The following TIAM2 variants were observed in gnomAD, a reference collection of about 807,000 sequenced individuals.
TIAM2 encodes the protein TIAM Rac1 associated GEF 2, also known as rho guanine nucleotide exchange factor TIAM2.
Under a neutral mutation model 152.9 loss-of-function variants are expected in TIAM2, and 80 were observed. The observed-to-expected ratio is 0.52, with a 90% CI of 0.44 to 0.63. TIAM2 has a LOEUF of 0.63. TIAM2 is among the 30% of genes least tolerant of loss of function. The probability of loss-of-function intolerance (pLI) is 0.00; values close to 1 mark genes in which losing one functional copy is unlikely to be tolerated. For synonymous variants in TIAM2, 804 were observed against 838.0 expected (o/e 0.96, Z 0.70); for missense variants, 1,965 against 2,120.1 (o/e 0.93, Z 1.44).
intron 7 of TIAM2, among the ~76,000 whole-genome samples, chr6:155,151,750 G>T (rs1363200397): frequency 5.9e-5 from 9 of 151,904 alleles, no homozygotes; most frequent in African/African-American, 1.9e-4. Context: ...CAAGGGCCTG[G>T]TCCCAAGTGA....
intron 15 of TIAM2, among the ~76,000 whole-genome samples, chr6:155,225,065 C>T (rs1782195373): frequency 1.3e-5 from 2 of 152,194 alleles, no homozygotes; most frequent in Admixed American, 6.5e-5. Flanking sequence ...AAGCAGTTCT[C>T]CCACCTCAGC....
At chr6:155,067,778 A>G (rs188844316) in intron 1 of TIAM2, among the ~76,000 whole-genome samples, 84 of 152,102 alleles carry the variant, frequency 5.5e-4, no homozygotes, top group Non-Finnish European at 9.9e-4. Context: ...AAGTACTGGG[A>G]CTACAGGTAT....
At position 155,129,350 on chromosome 6, in the gene TIAM2, T is replaced by C. The variant is rs746169137; in HGVS notation, c.127T>C (p.Leu43=). 1 of 1,614,162 alleles carries C rather than the reference T, an allele frequency of 6.2e-7. No homozygotes were observed. The highest frequency in any genetic ancestry group is 8.5e-7 in the Non-Finnish European group (1 of 1,180,036). Residue 43 remains leucine, a synonymous_variant, in exon 4 of 27, where the codon TTG becomes CTG. Coordinates refer to ENST00000682666, the MANE Select transcript of TIAM2 (RefSeq NM_012454.4). The surrounding 1 kb of genome is among the most constrained non-coding windows in gnomAD (Gnocchi z 4.8). The part of the protein sequence containing the change: ...RGIHAKEEKS[L]HGWGHGSNGA... Reference sequence around the variant, plus strand: ...CATTCATGCAAAAGAGGAAAAGTCATTGCATGGATGGGGTCACGGAAGCAA... The same window carrying C: ...CATTCATGCAAAAGAGGAAAAGTCACTGCATGGATGGGGTCACGGAAGCAA...
chr6:155,062,805 C>A (rs961601979), intron 1 of TIAM2, among the ~76,000 whole-genome samples: 3 of 151,986 alleles, frequency 2.0e-5, no homozygotes, highest in Non-Finnish European at 4.4e-5. Flanking sequence ...GAACTCCTGA[C>A]TTCATGTGAT....
At position 154,995,582 on chromosome 6, in the gene TIAM2, G is replaced by C. The variant is rs1778198308; in HGVS notation, c.-209+90G>C. On this transcript the variant is annotated intron_variant, in intron 1 of 26. Coordinates refer to ENST00000682666, the MANE Select transcript of TIAM2 (RefSeq NM_012454.4). The surrounding 1 kb of genome is among the most constrained non-coding windows in gnomAD (Gnocchi z 5.2). ...GTCCCCTGCGGGCGGGGCGGCGCGC[G>C]GCCGGCGGTCCCCTCCCTTCCCCTT... 6.6e-6 allele frequency: 1 copy of C among 151,898 alleles called. No homozygotes were observed. Among genetic ancestry groups the C allele is most frequent in the Non-Finnish European group, 1.5e-5 (1 of 67,998 alleles). 9.4% of individuals were successfully genotyped at this position (151,898 alleles called of 1,614,324 possible). A position where few individuals can be genotyped will look rare whatever the true frequency, so the allele number is the denominator to read the frequency against.
intron 9 of TIAM2, among the ~76,000 whole-genome samples, chr6:155,171,485 G>A (rs892950079): frequency 3.9e-5 from 6 of 152,240 alleles, no homozygotes; most frequent in South Asian, 4.1e-4. Context: ...AAATTGGCTT[G>A]GGGTATTCCA....
At chr6:155,007,848 A>T (rs1408372521) in intron 1 of TIAM2, among the ~76,000 whole-genome samples, 1 of 152,202 alleles carries the variant, frequency 6.6e-6, no homozygotes, top group Admixed American at 6.5e-5. Context: ...GATGGTTGCC[A>T]TTGCAGGAGT....
chr6:155,049,021 G>A (rs911158872), intron 1 of TIAM2, among the ~76,000 whole-genome samples: 2 of 151,892 alleles, frequency 1.3e-5, no homozygotes, highest in Non-Finnish European at 2.9e-5. Context: ...GGCTGGTCTC[G>A]AACTCCTGAC....
chr6:155,138,918 A>G (rs1199977996), intron 5 of TIAM2, among the ~76,000 whole-genome samples: 3 of 152,122 alleles, frequency 2.0e-5, no homozygotes, highest in Non-Finnish European at 4.4e-5. Context: ...AAAGTTTTTT[A>G]TAAGCATTGC....
intron 14 of TIAM2, among the ~76,000 whole-genome samples, chr6:155,208,939 A>C (rs560077206): frequency 6.6e-6 from 1 of 151,690 alleles, no homozygotes; most frequent in African/African-American, 2.4e-5. Flanking sequence ...ATTGGCCTTT[A>C]CTCAGGACAC....
At chr6:155,148,009 G>T in intron 6 of TIAM2, 101 bp from the exon 7 acceptor site, 1 of 1,164,638 alleles carries the variant, frequency 8.6e-7, no homozygotes, top group Non-Finnish European at 1.3e-6. Context: ...TGCAGTGCAA[G>T]TACTTCTTGG....
chr6:155,109,047 G>A (rs1386945182), intron 2 of TIAM2, among the ~76,000 whole-genome samples: 3 of 152,140 alleles, frequency 2.0e-5, no homozygotes, highest in South Asian at 2.1e-4. Flanking sequence ...GCAATGGCGC[G>A]ATCTCAGCTC....
chr6:155,000,970 C>T (rs148666103), intron 1 of TIAM2, among the ~76,000 whole-genome samples: 2 of 152,176 alleles, frequency 1.3e-5, no homozygotes, highest in African/African-American at 4.8e-5. Context: ...GGCGACAGAG[C>T]GAGACCCCAT....
intron 14 of TIAM2, among the ~76,000 whole-genome samples, chr6:155,194,726 C>A (rs541370381): frequency 4.6e-5 from 7 of 152,260 alleles, no homozygotes; most frequent in Admixed American, 1.3e-4. Context: ...AAGAAGAAAA[C>A]CCCAGGTCTT....
At chr6:155,198,002 G>A (rs1183241294) in intron 14 of TIAM2, among the ~76,000 whole-genome samples, 1 of 152,182 alleles carries the variant, frequency 6.6e-6, no homozygotes, top group African/African-American at 2.4e-5. Context: ...ACAAATAGAA[G>A]TTTTATCATT....
intron 23 of TIAM2, 97 bp downstream of exon 23, chr6:155,252,100 C>A: frequency 3.5e-6 from 3 of 864,416 alleles, no homozygotes; most frequent in African/African-American, 1.7e-5. Context: ...CAAGGCTGGG[C>A]TGACTGATAC....
Position 155,244,033 on chromosome 6 carries a change from T to C in TIAM2, c.3371T>C (p.Leu1124Ser). ...CAGGATTTGAGCTGCCTCTTTGAAT[T>C]ATACTTGGAGCCACTTCAGAATGAG... is the stretch of plus-strand genomic sequence containing the variant. Reference protein sequence around the residue: ...YVKDLSCLFELYLEPLQNETF... With the variant: ...YVKDLSCLFESYLEPLQNETF... The change falls in exon 17 of 27, where the codon TTA (leucine) becomes TCA (serine). Residue 1124 changes from leucine (L) to serine (S), a missense_variant. Physicochemically the swap from Leu to Ser is moderately radical, Grantham distance 145. Transcript: ENST00000682666. 1 of 1,614,118 alleles carries C rather than the reference T, an allele frequency of 6.2e-7. No homozygotes were observed. The highest frequency in any genetic ancestry group is 8.5e-7 in the Non-Finnish European group (1 of 1,180,024).
At chr6:155,211,007 T>G (rs1228362216) in intron 14 of TIAM2, among the ~76,000 whole-genome samples, 197 bp from the exon 15 acceptor site, 3 of 152,202 alleles carry the variant, frequency 2.0e-5, no homozygotes, top group African/African-American at 4.8e-5. Flanking sequence ...TGTTGCCTTT[T>G]CAATTAGCAA....
In TIAM2 at chr6:155,211,306, G is replaced by C. The variant is rs1393053662; in HGVS notation, c.3167G>C (p.Arg1056Thr). Residue 1056 changes from arginine (R) to threonine (T), a missense_variant and splice_region_variant, in exon 15 of 27, where the codon AGG (arginine) becomes ACG (threonine). Physicochemically the swap from Arg to Thr is moderately conservative, Grantham distance 71 (BLOSUM62 -1). Coordinates refer to ENST00000682666, the MANE Select transcript of TIAM2 (RefSeq NM_012454.4). ...SHREKMEQTFRSAEQITALCR... is the reference protein window; with the variant it reads ...SHREKMEQTFTSAEQITALCR... ...AGGGAGAAAATGGAGCAGACATTCA[G>C]GGTAAGATACTGGCCCAAATCGCAA... 11 of 1,612,768 alleles carry C rather than the reference G, an allele frequency of 6.8e-6. No individual in the cohort carries two copies. The highest frequency in any genetic ancestry group is 9.3e-6 in the Non-Finnish European group (11 of 1,179,094).
Sources: gnomAD v4.1 joint callset for allele counts (sites outside exome capture counted in the v4.1 genomes callset) on GRCh38, gnomAD v4.1.1 for gene constraint, Gnocchi (gnomAD v3.1) non-coding constraint, MANE v1.5 for transcripts, NCBI Gene and HGNC (gene_info 2026-07-23, HGNC 2026-07-21) for gene names.